MLIP: variants seen among roughly 807,000 people sequenced by gnomAD.
The protein encoded by MLIP is muscular LMNA interacting protein, also known as muscular LMNA-interacting protein.
Under a neutral mutation model 84.8 loss-of-function variants are expected in MLIP, and 79 were observed. The observed-to-expected ratio is 0.93, with a 90% CI of 0.78 to 1.12. The LOEUF is 1.12. Ranked by LOEUF, MLIP falls within the 50% of genes most tolerant of loss-of-function variation. MLIP has a pLI of 0.00. For missense variants in MLIP, 1,257 were observed against 1,160.6 expected (o/e 1.08, Z -1.21); for synonymous variants, 504 against 463.0 (o/e 1.09, Z -1.14).
chr6:54,118,472 A>C (rs1002386292), intron 1 of MLIP, among the ~76,000 whole-genome samples: 5 of 152,232 alleles, frequency 3.3e-5, no homozygotes, highest in African/African-American at 1.2e-4. Flanking sequence ...ATGGGTTTCC[A>C]CATGCAGAAG....
intron 1 of MLIP, among the ~76,000 whole-genome samples, chr6:54,081,919 G>T (rs1767184353): frequency 6.6e-6 from 1 of 152,154 alleles, no homozygotes; most frequent in African/African-American, 2.4e-5. Context: ...ATATGACCAA[G>T]ACAAATAATG....
chr6:54,137,721 C>T lies in MLIP; in HGVS notation c.1652C>T (p.Pro551Leu). ...AGTACATCCAGTTCTGTGGGTCTTC[C>T]TCCTGTTCCACCAAGCTCTTCTCTT... ...QTSTSSSVGLPPVPPSSSLSS... is the reference protein window; with the variant it reads ...QTSTSSSVGLLPVPPSSSLSS... The change falls in exon 4 of 14, where the codon CCT becomes CTT. Residue 551 changes from proline (P) to leucine (L), a missense_variant. Coordinates refer to ENST00000502396, the MANE Select transcript of MLIP (RefSeq NM_001281747.2). 1 of 1,536,072 alleles carries T rather than the reference C, an allele frequency of 6.5e-7. No homozygotes were observed. Among genetic ancestry groups the T allele is most frequent in the Non-Finnish European group, 8.7e-7 (1 of 1,146,888 alleles).
At chr6:54,101,823 A>G (rs1420393485) in intron 1 of MLIP, among the ~76,000 whole-genome samples, 2 of 152,112 alleles carry the variant, frequency 1.3e-5, no homozygotes, top group African/African-American at 2.4e-5. Flanking sequence ...TCTCATTTCT[A>G]TTTTAAAGTT....
chr6:54,207,419 C>CCA (rs1381456304), intron 11 of MLIP, among the ~76,000 whole-genome samples: 2 of 142,500 alleles, frequency 1.4e-5, no homozygotes, highest in Non-Finnish European at 3.1e-5. Flanking sequence ...ACCCCCCCCC[C>CCA]CTTTTTTGAC....
chr6:54,025,115 C>T (rs1046378665), intron 1 of MLIP, among the ~76,000 whole-genome samples: 2 of 151,816 alleles, frequency 1.3e-5, no homozygotes, highest in Admixed American at 6.6e-5. Context: ...TCTCAAAGTG[C>T]TAGAATTACA....
chr6:54,035,100 A>G lies in MLIP; in HGVS notation c.63+16009A>G, dbSNP rs559986003. The stretch of plus-strand genomic sequence containing the variant: ...TGGCCGTATACTATAACCTACTGCT[A>G]GGTGTGGTAGATTATACCATCTCAG... On this transcript the variant is annotated intron_variant, in intron 1 of 12. Coordinates refer to the MLIP transcript ENST00000274897. Among the ~76,000 whole-genome samples the G allele has an allele frequency of 1.8e-4, 28 of 152,298 alleles. 1 individual carries two copies. The highest frequency in any genetic ancestry group is 5.8e-4 in the African/African-American group (24 of 41,578).
chr6:54,189,982 A>G lies in MLIP; in HGVS notation c.2589+68A>G, dbSNP rs528553708. 64 of 1,029,902 alleles carry G rather than the reference A, an allele frequency of 6.2e-5. 1 individual carries two copies. The South Asian group carries it at 8.8e-4, about 14-fold the overall frequency. 63.8% of individuals were successfully genotyped at this position (1,029,902 alleles called of 1,614,324 possible). On this transcript the variant is annotated intron_variant, in intron 10 of 13. Transcript: ENST00000502396. ...TCTCAAGAGAGCTTTACCTGAGTAA[A>G]AGTGAAAAAAAGAATACATTTACTA...
intron 11 of MLIP, chr6:54,215,399 C>A: frequency 7.8e-7 from 1 of 1,279,792 alleles, no homozygotes; most frequent in East Asian, 3.0e-5. Context: ...TAATGGAACC[C>A]ATACTAATAA....
At chr6:54,098,882 A>G (rs1231213601) in intron 1 of MLIP, among the ~76,000 whole-genome samples, 2 of 152,158 alleles carry the variant, frequency 1.3e-5, no homozygotes, top group Non-Finnish European at 2.9e-5. Flanking sequence ...AGATGAGAAA[A>G]TCGAGGCAGT....
chr6:54,180,887 T>A (rs999645162), intron 9 of MLIP, among the ~76,000 whole-genome samples: 2 of 152,204 alleles, frequency 1.3e-5, no homozygotes, highest in Admixed American at 6.5e-5. Flanking sequence ...TTCTGGATGA[T>A]CTTGATGCTT....
At position 54,211,632 on chromosome 6, in the gene MLIP, A is replaced by T. The variant is rs6937780; in HGVS notation, c.2718+9399A>T. The stretch of plus-strand genomic sequence containing the variant: ...AAACCTGAATCTCATCAGTGAAATG[A>T]GGGGATGGCACCAGATCAGTGATTC... On this transcript the variant is annotated intron_variant, in intron 11 of 13. Coordinates refer to ENST00000502396, the MANE Select transcript of MLIP (RefSeq NM_001281747.2). Among the ~76,000 whole-genome samples the T allele has an allele frequency of 1.8e-3, 273 of 152,330 alleles. 1 individual carries two copies. Among genetic ancestry groups the T allele is most frequent in the Middle Eastern group, 6.8e-3 (2 of 294 alleles).
intron 9 of MLIP, among the ~76,000 whole-genome samples, chr6:54,172,549 C>T (rs375802534): frequency 2.0e-5 from 3 of 151,464 alleles, no homozygotes; most frequent in African/African-American, 7.3e-5. Flanking sequence ...AGCCAGAGAA[C>T]CCATTGATGT....
Position 54,067,288 on chromosome 6 carries a change from C to G in MLIP, c.63+48197C>G, listed in dbSNP as rs1422787265. Among the ~76,000 whole-genome samples the G allele has an allele frequency of 2.0e-5, 2 of 100,400 alleles. 1 individual carries two copies. The highest frequency in any genetic ancestry group is 5.3e-4 in the East Asian group (2 of 3,748). The allele number at this position is 100,400 out of a possible 152,430, so 65.9% of individuals were successfully genotyped here. On this transcript the variant is annotated intron_variant, in intron 1 of 12. Coordinates refer to the MLIP transcript ENST00000274897. ...TGTATGTATTTGCAAATGAATTAAT[C>G]AAATATACTGAAATTGATAAAAAGA...
chr6:54,107,043 A>G (rs900920130), upstream of MLIP, among the ~76,000 whole-genome samples: 1 of 152,196 alleles, frequency 6.6e-6, no homozygotes, highest in Non-Finnish European at 1.5e-5. Flanking sequence ...ACAAGGAGAG[A>G]GTGAACCACA....
chr6:54,239,280 G>A lies in MLIP; in HGVS notation c.2922+8363G>A, dbSNP rs181157099. 5.5e-3 allele frequency among the ~76,000 whole-genome samples: 837 copies of A among 150,818 alleles called. 5 individuals carry two copies. Among genetic ancestry groups the A allele is most frequent in the Non-Finnish European group, 6.8e-3 (461 of 67,808 alleles). On this transcript the variant is annotated intron_variant, in intron 12 of 13. Coordinates refer to ENST00000502396, the MANE Select transcript of MLIP (RefSeq NM_001281747.2). ...CTCAAGGTCAGGGCATGACCTTTAA[G>A]ATCTCTCACATAGACAGGAAAATGT...
intron 12 of MLIP, among the ~76,000 whole-genome samples, chr6:54,242,009 G>A (rs1216191087): frequency 6.6e-6 from 1 of 152,204 alleles, no homozygotes; most frequent in Non-Finnish European, 1.5e-5. Flanking sequence ...ATAGGAAATA[G>A]GAGAAATGAA....
intron 10 of MLIP, among the ~76,000 whole-genome samples, chr6:54,192,150 TATA>T (rs934883963): frequency 5.8e-4 from 89 of 152,192 alleles, no homozygotes; most frequent in Non-Finnish European, 2.5e-4. Context: ...GAATGACTTT[TATA>T]ATAATTTCTC....
At chr6:54,025,298 G>A (rs1166035940) in intron 1 of MLIP, among the ~76,000 whole-genome samples, 1 of 152,136 alleles carries the variant, frequency 6.6e-6, no homozygotes, top group Non-Finnish European at 1.5e-5. Context: ...TGTTTCTGAT[G>A]TGTTATCTAG....
chr6:54,146,783 G>A (rs560898874), intron 4 of MLIP, among the ~76,000 whole-genome samples: 37 of 152,242 alleles, frequency 2.4e-4, no homozygotes, highest in African/African-American at 7.7e-4. Flanking sequence ...ATATTCTTTA[G>A]GGAAGTTGAG....
Sources: allele counts gnomAD v4.1 joint callset (sites outside exome capture counted in the v4.1 genomes callset), GRCh38; gene constraint gnomAD v4.1.1; transcripts MANE v1.5; gene names NCBI Gene and HGNC (gene_info 2026-07-23, HGNC 2026-07-21).